PLCB4: variants seen among roughly 807,000 people sequenced by gnomAD.
The protein encoded by PLCB4 is phospholipase C beta 4.
In PLCB4, 77 loss-of-function variants were observed where a neutral mutation model predicts 178.8. The observed-to-expected ratio is 0.43, with a 90% CI of 0.36 to 0.52. The LOEUF (loss-of-function observed/expected upper bound fraction) is 0.52, where lower values mean the gene tolerates loss of function less well. PLCB4 is among the 20% of genes least tolerant of loss of function. The probability of loss-of-function intolerance (pLI) is 0.00; values close to 1 mark genes in which losing one functional copy is unlikely to be tolerated. For synonymous variants in PLCB4, 496 were observed against 490.8 expected, an observed-to-expected ratio of 1.01 and a Z score of -0.14; for missense variants, 1,024 against 1,453.4, an observed-to-expected ratio of 0.70 and a Z score of 4.80.
At chr20:9,092,086 T>TATTTTC (rs1248858057) in intron 1 of PLCB4, among the ~76,000 whole-genome samples, 6 of 152,100 alleles carry the variant, frequency 3.9e-5, no homozygotes, top group Non-Finnish European at 1.5e-5. Context: ...CCTCGAGAGG[T>TATTTTC]ATTTTCATGT....
intron 35 of PLCB4, among the ~76,000 whole-genome samples, chr20:9,461,638 T>C (rs1169785724): frequency 2.0e-5 from 3 of 152,240 alleles, no homozygotes; most frequent in African/African-American, 7.2e-5. Context: ...TCCACGCCCA[T>C]GTAGCCAGGC....
chr20:9,194,011 A>T lies in PLCB4; in HGVS notation c.-78-23379A>T, dbSNP rs183970396. Reference sequence around the variant, plus strand: ...TTAAGCATGAACTGCTTTTTTTTTTAAAAAAAATTGGAAGCTATCACTCTT... The same window carrying T: ...TTAAGCATGAACTGCTTTTTTTTTTTAAAAAAATTGGAAGCTATCACTCTT... On this transcript the variant is annotated intron_variant, in intron 2 of 39. Coordinates refer to ENST00000378473, the MANE Select transcript of PLCB4 (RefSeq NM_001377142.1). 8.0e-3 allele frequency among the ~76,000 whole-genome samples: 1,207 copies of T among 151,490 alleles called. 4 individuals are homozygous for T. The highest frequency in any genetic ancestry group is 0.024 in the Middle Eastern group (7 of 290).
At chr20:9,297,548 T>C (rs2094652754) in intron 3 of PLCB4, among the ~76,000 whole-genome samples, 1 of 152,130 alleles carries the variant, frequency 6.6e-6, no homozygotes, top group South Asian at 2.1e-4. Flanking sequence ...CAAACTATCT[T>C]CTGTTTCTGA....
At chr20:9,444,085 C>T in intron 31 of PLCB4, 55 bp downstream of exon 31, 1 of 1,434,484 alleles carries the variant, frequency 7.0e-7, no homozygotes, top group Non-Finnish European at 9.7e-7. Flanking sequence ...ATTGGTGACA[C>T]CAATATATTT....
chr20:9,078,509 G>A (rs560225844), intron 1 of PLCB4, among the ~76,000 whole-genome samples: 2 of 151,732 alleles, frequency 1.3e-5, no homozygotes, highest in East Asian at 3.9e-4. Context: ...TTACAGGTGT[G>A]TGCCACCAAG....
intron 2 of PLCB4, among the ~76,000 whole-genome samples, chr20:9,198,642 T>C (rs1474424495): frequency 2.0e-5 from 3 of 152,238 alleles, no homozygotes; most frequent in Non-Finnish European, 4.4e-5. Flanking sequence ...CTTTGTGCTA[T>C]TAAATAGAGT....
chr20:9,383,768 C>T (rs1477049612), intron 13 of PLCB4, among the ~76,000 whole-genome samples: 2 of 152,222 alleles, frequency 1.3e-5, no homozygotes, highest in African/African-American at 2.4e-5. Flanking sequence ...GAGCACCTCT[C>T]GTATCTATTC....
In PLCB4 at chr20:9,478,835, A is replaced by G. The variant is rs1785680454; in HGVS notation, c.3533-86A>G. ...AGCAAGGATGTGGTGACAGGATCAT[A>G]TTTATGGGAGAAGAGAGGCCAGGGT... On this transcript the variant is annotated intron_variant, in intron 39 of 39. Coordinates refer to ENST00000378473, the MANE Select transcript of PLCB4 (RefSeq NM_001377142.1). 6 of 945,626 alleles carry G rather than the reference A, an allele frequency of 6.3e-6. No homozygotes were observed. The East Asian group carries it at 9.6e-5, about 15-fold the overall frequency. The allele number at this position is 945,626 out of a possible 1,614,324, so 58.6% of individuals were successfully genotyped here. A position where few individuals can be genotyped will look rare whatever the true frequency, so the allele number is the denominator to read the frequency against.
At chr20:9,182,044 T>A (rs1271968556) in intron 2 of PLCB4, among the ~76,000 whole-genome samples, 5 of 152,130 alleles carry the variant, frequency 3.3e-5, no homozygotes, top group Non-Finnish European at 7.4e-5. Context: ...CGGTGTCTGT[T>A]TTGTTGTTCT....
At chr20:9,180,617 G>T (rs78430878) in intron 2 of PLCB4, among the ~76,000 whole-genome samples, 4 of 152,250 alleles carry the variant, frequency 2.6e-5, no homozygotes, top group Admixed American at 2.6e-4. Context: ...TCACACAAAG[G>T]TGGGACTCTT....
intron 9 of PLCB4, 175 bp from the exon 10 acceptor site, chr20:9,371,029 TGGGAACCAGA>T: frequency 1.8e-6 from 1 of 568,748 alleles, no homozygotes; most frequent in Non-Finnish European, 3.1e-6. Flanking sequence ...TAACCAGCTC[TGGGAACCAGA>T]GGGACACTGG....
chr20:9,082,981 A>G (rs1232248820), intron 1 of PLCB4, among the ~76,000 whole-genome samples: 2 of 152,226 alleles, frequency 1.3e-5, no homozygotes, highest in Non-Finnish European at 2.9e-5. Context: ...CTACAGTATT[A>G]TAAACATGGC....
At chr20:9,188,489 G>A (rs995808291) in intron 2 of PLCB4, among the ~76,000 whole-genome samples, 8 of 150,930 alleles carry the variant, frequency 5.3e-5, no homozygotes, top group Non-Finnish European at 1.0e-4. Flanking sequence ...TGACATTCTG[G>A]GTTGGTTAAT....
intron 25 of PLCB4, among the ~76,000 whole-genome samples, chr20:9,413,455 C>T (rs1400835010): frequency 2.6e-5 from 4 of 151,860 alleles, no homozygotes; most frequent in South Asian, 2.1e-4. Flanking sequence ...GTTAGGAGAT[C>T]GAGACCATCC....
At chr20:9,350,541 A>G (rs1295860260) in intron 7 of PLCB4, among the ~76,000 whole-genome samples, 1 of 152,072 alleles carries the variant, frequency 6.6e-6, no homozygotes, top group Non-Finnish European at 1.5e-5. Context: ...TGCAATTCAC[A>G]GTTGGCTTCT....
chr20:9,136,685 A>G (rs948315371), intron 2 of PLCB4, among the ~76,000 whole-genome samples: 7 of 152,118 alleles, frequency 4.6e-5, no homozygotes, highest in Non-Finnish European at 8.8e-5. Flanking sequence ...GTGTAAGTGC[A>G]TATTCTACAC....
intron 27 of PLCB4, among the ~76,000 whole-genome samples, chr20:9,422,886 T>C (rs569215632): frequency 4.1e-4 from 62 of 152,348 alleles, no homozygotes; most frequent in Middle Eastern, 3.4e-3. Context: ...AATTAAATTA[T>C]AGCCTTCAGA....
At chr20:9,423,002 C>T (rs1487929411) in intron 27 of PLCB4, among the ~76,000 whole-genome samples, 1 of 152,220 alleles carries the variant, frequency 6.6e-6, no homozygotes, top group Non-Finnish European at 1.5e-5. Context: ...TGATTAAACA[C>T]ATTGGATACC....
rs2032699435 is a variant in PLCB4 at position 9,338,019 on chromosome 20, G to A, written c.177G>A (p.Val59=). 1 of 1,611,052 alleles carries A rather than the reference G, an allele frequency of 6.2e-7. No homozygotes were observed. The highest frequency in any genetic ancestry group is 1.3e-5 in the African/African-American group (1 of 74,978). The change falls in exon 6 of 40, where the codon GTG becomes GTA. Residue 59 remains valine (V), a synonymous_variant. Coordinates refer to ENST00000378473, the MANE Select transcript of PLCB4 (RefSeq NM_001377142.1). The part of the protein sequence containing the change: ...TWRSEGKEGQ[V]LECSLINSIR... ...TTCTCTCTCTTCAGGAAGGACAGGT[G>A]CTAGAATGCTCCCTCATCAACAGTA...
Sources: allele counts gnomAD v4.1 joint callset (sites outside exome capture counted in the v4.1 genomes callset), GRCh38; gene constraint gnomAD v4.1.1; transcripts MANE v1.5; gene names NCBI Gene and HGNC (gene_info 2026-07-23, HGNC 2026-07-21).